Variants in OR1S1 observed in about 807,000 individuals in gnomAD.
OR1S1 encodes the protein olfactory receptor family 1 subfamily S member 1, also known as olfactory receptor 1S1.
For missense variants in OR1S1, 411 were observed against 367.5 expected (o/e 1.12, Z -0.97); for synonymous variants, 156 against 143.9 (o/e 1.08, Z -0.60).
At chr11:58,213,301 C>A (rs1472285116) in intron 1 of OR1S1, among the ~76,000 whole-genome samples, 1 of 152,206 alleles carries the variant, frequency 6.6e-6, no homozygotes, top group Non-Finnish European at 1.5e-5. Flanking sequence ...TAGGTCCAGT[C>A]TCTCTTCCCT....
intron 1 of OR1S1, 78 bp from the exon 2 acceptor site, chr11:58,214,651 C>T (rs779225719): frequency 5.0e-5 from 52 of 1,035,006 alleles, no homozygotes; most frequent in Non-Finnish European, 7.2e-5. Context: ...TATTAAGTAG[C>T]ACTTCCACTT....
At chr11:58,215,194 G>T (rs200646522) in exon 2 of OR1S1, 1 of 1,614,054 alleles carries the variant, frequency 6.2e-7, no homozygotes, top group Non-Finnish European at 8.5e-7. Context: ...TTCTCATGCG[G>T]CCCAGGTTCG....
intron 1 of OR1S1, among the ~76,000 whole-genome samples, chr11:58,213,640 C>T (rs1157929135): frequency 6.6e-6 from 1 of 152,096 alleles, no homozygotes; most frequent in Non-Finnish European, 1.5e-5. Context: ...TTTATCAGGT[C>T]AAGGAGGAAG....
At chr11:58,214,563 T>C (rs2120063112) in intron 1 of OR1S1, among the ~76,000 whole-genome samples, 166 bp from the exon 2 acceptor site, 1 of 152,252 alleles carries the variant, frequency 6.6e-6, no homozygotes, top group African/African-American at 2.4e-5. Context: ...TTTAAAACAG[T>C]TTTTTTGAGA....
exon 2 of OR1S1, chr11:58,214,869 T>G (rs1346071085): frequency 3.1e-6 from 5 of 1,614,006 alleles, no homozygotes; most frequent in Non-Finnish European, 4.2e-6. Flanking sequence ...CTCCTCTTTG[T>G]GCTTTTCTTG....
At chr11:58,214,581 G>A (rs61902828) in intron 1 of OR1S1, 148 bp from the exon 2 acceptor site, 164,549 of 626,980 alleles carry the variant, frequency 0.26, 23,627 homozygotes, top group Middle Eastern at 0.42. Context: ...AGAAGTTTCG[G>A]CCATGTCCTG....
chr11:58,215,241 A>G (rs536562312), exon 2 of OR1S1: 3 of 1,613,906 alleles, frequency 1.9e-6, no homozygotes, highest in Admixed American at 3.3e-5. Flanking sequence ...TTCCTCAGTA[A>G]TATTATTGCT....
At chr11:58,214,909 C>T (rs199668390) in exon 2 of OR1S1, 50 of 1,613,952 alleles carry the variant, frequency 3.1e-5, no homozygotes, top group Non-Finnish European at 4.1e-5. Context: ...TGATTGGGAA[C>T]GGGCTCATCA....
At chr11:58,214,130 A>C (rs1003724980) in intron 1 of OR1S1, among the ~76,000 whole-genome samples, 1 of 152,312 alleles carries the variant, frequency 6.6e-6, no homozygotes, top group Non-Finnish European at 1.5e-5. Flanking sequence ...GGCAAACAGA[A>C]GTCTTTAAGT....
At chr11:58,214,552 G>A (rs1241151527) in intron 1 of OR1S1, among the ~76,000 whole-genome samples, 177 bp from the exon 2 acceptor site, 1 of 152,146 alleles carries the variant, frequency 6.6e-6, no homozygotes, top group Non-Finnish European at 1.5e-5. Context: ...TCCTGTTAGA[G>A]TTTAAAACAG....
intron 1 of OR1S1, among the ~76,000 whole-genome samples, chr11:58,213,650 G>A (rs1459213005): frequency 6.6e-6 from 1 of 152,208 alleles, no homozygotes; most frequent in East Asian, 1.9e-4. Flanking sequence ...CAAGGAGGAA[G>A]AACAGGAGTG....
exon 2 of OR1S1, chr11:58,215,345 T>G: frequency 6.2e-7 from 1 of 1,613,744 alleles, no homozygotes; most frequent in African/African-American, 1.3e-5. Flanking sequence ...GCTCAAACTG[T>G]CCTGTTCAGA....
exon 2 of OR1S1, chr11:58,215,967 C>A: frequency 2.1e-6 from 1 of 480,042 alleles, no homozygotes; most frequent in Non-Finnish European, 3.7e-6. Flanking sequence ...TTACCAGGGC[C>A]CAGGGGTGGG....
At chr11:58,214,475 A>G (rs1045076130) in intron 1 of OR1S1, among the ~76,000 whole-genome samples, 1 of 152,230 alleles carries the variant, frequency 6.6e-6, no homozygotes, top group Non-Finnish European at 1.5e-5. Flanking sequence ...GGTATGCCTC[A>G]TCTATGACCC....
At chr11:58,213,056 G>A (rs1364895064) in intron 1 of OR1S1, among the ~76,000 whole-genome samples, 1 of 152,192 alleles carries the variant, frequency 6.6e-6, no homozygotes, top group African/African-American at 2.4e-5. Context: ...TGTAAGCCAA[G>A]CATTTCAGGA....
exon 2 of OR1S1, chr11:58,214,790 C>A (rs1310394766): frequency 1.2e-6 from 2 of 1,613,842 alleles, no homozygotes; most frequent in Non-Finnish European, 8.5e-7. Context: ...AAATATGCAT[C>A]AAGGAAACCA....
In OR1S1 at chr11:58,214,709, G is replaced by A. The variant is rs774134320; in HGVS notation, c.-55-20G>A. The stretch of plus-strand genomic sequence containing the variant: ...CAAGTGACTTACTGCAATGGCTGCA[G>A]CCAAATGATACCATGTTAGGTTTTC... On this transcript the variant is annotated intron_variant, in intron 1 of 1. Transcript: ENST00000641544. The A allele has an allele frequency of 5.0e-6, 8 of 1,594,554 alleles. No individual in the cohort carries two copies. The highest frequency in any genetic ancestry group is 1.7e-4 in the Middle Eastern group (1 of 5,972).
chr11:58,215,540 G>A (rs755622692), exon 2 of OR1S1: 46 of 1,613,860 alleles, frequency 2.9e-5, no homozygotes, highest in African/African-American at 4.0e-5. Context: ...ACTGTTCTAC[G>A]GAACCATTGT....
intron 1 of OR1S1, among the ~76,000 whole-genome samples, chr11:58,213,057 C>T (rs1319033478): frequency 6.6e-6 from 1 of 152,220 alleles, no homozygotes; most frequent in Admixed American, 6.5e-5. Flanking sequence ...GTAAGCCAAG[C>T]ATTTCAGGAG....
Sources: allele counts gnomAD v4.1 joint callset (sites outside exome capture counted in the v4.1 genomes callset), GRCh38; gene constraint gnomAD v4.1.1; transcripts MANE v1.5; gene names NCBI Gene and HGNC (gene_info 2026-07-23, HGNC 2026-07-21).